RCAN3: variants seen among roughly 807,000 people sequenced by gnomAD.
RCAN3 encodes calcipressin-3.
RCAN3 carries 19 observed loss-of-function variants against 21.9 expected under a neutral mutation model. The ratio of observed to expected loss-of-function variants is 0.87; its 90% confidence interval spans 0.61 to 1.27. RCAN3 has a LOEUF of 1.27. Among genes scored for constraint, RCAN3 ranks in the 50% most tolerant of loss-of-function variants. RCAN3 has a pLI of 0.00. For missense variants in RCAN3, 240 were observed against 300.1 expected (o/e 0.80, Z 1.48); for synonymous variants, 114 against 112.3 (o/e 1.01, Z -0.09).
chr1:24,533,050 G>A (rs1324499679), intron 3 of RCAN3, 33 bp from the exon 4 acceptor site: 28 of 1,350,194 alleles, frequency 2.1e-5, no homozygotes, highest in Non-Finnish European at 2.6e-5. Context: ...AGCCCGGTTT[G>A]CAAACTGGCT....
chr1:24,531,486 G>T, intron 3 of RCAN3, 95 bp downstream of exon 3: 1 of 864,264 alleles, frequency 1.2e-6, no homozygotes, highest in East Asian at 2.8e-5. Flanking sequence ...TTATAGCAGA[G>T]GTGTGTAGAG....
chr1:24,528,154 G>A (rs1164988315), intron 2 of RCAN3, among the ~76,000 whole-genome samples: 1 of 151,500 alleles, frequency 6.6e-6, no homozygotes, highest in Non-Finnish European at 1.5e-5. Flanking sequence ...TAGGGAGTTA[G>A]GCATCTTTAA....
chr1:24,535,169 A>G lies in RCAN3; in HGVS notation c.618A>G (p.Glu206=). Residue 206 remains glutamate (E), a synonymous_variant, in exon 5 of 5, where the codon GAA becomes GAG. Coordinates refer to ENST00000374395, the MANE Select transcript of RCAN3 (RefSeq NM_013441.4). The part of the protein sequence containing the change: ...VVVHVCESET[E]EEEETKNPKQ... The stretch of plus-strand genomic sequence containing the variant: ...TTCATGTCTGTGAAAGTGAAACTGA[A>G]GAGGAAGAAGAGACAAAAAACCCCA... 1 of 1,595,168 alleles carries G rather than the reference A, an allele frequency of 6.3e-7. No individual in the cohort carries two copies. The highest frequency in any genetic ancestry group is 1.8e-5 in the Admixed American group (1 of 55,008).
rs1283413405 is a variant in RCAN3, at chr1:24,537,622, GGT to G, written c.*2349_*2350del. ...CTTGGATTTAACCCTGATAGGACCA[GGT>G]GTGGTGGCTCACACCATAATCCCAG... On this transcript the variant is annotated 3_prime_UTR_variant, in exon 5 of 5. Coordinates refer to ENST00000374395, the MANE Select transcript of RCAN3 (RefSeq NM_013441.4). 4 of 152,060 alleles carry G rather than the reference GGT, an allele frequency of 2.6e-5. No homozygotes were observed. The highest frequency in any genetic ancestry group is 9.7e-5 in the African/African-American group (4 of 41,386). 9.4% of individuals were successfully genotyped at this position (152,060 alleles called of 1,614,324 possible).
At position 24,537,782 on chromosome 1, in the gene RCAN3, C is replaced by T. The variant is rs530488298; in HGVS notation, c.*2505C>T. On this transcript the variant is annotated 3_prime_UTR_variant, in exon 5 of 5. Transcript: ENST00000374395. ...TGGCATGGTGGCACATGCCTGTAATCCCAGCTACTTGGGAGGCTGAGGCAG... is the reference window on the plus strand; with the variant it reads ...TGGCATGGTGGCACATGCCTGTAATTCCAGCTACTTGGGAGGCTGAGGCAG... 6.6e-6 allele frequency: 1 copy of T among 152,346 alleles called. No homozygotes were observed. The highest frequency in any genetic ancestry group is 1.5e-5 in the Non-Finnish European group (1 of 68,090). 9.4% of individuals were successfully genotyped at this position (152,346 alleles called of 1,614,324 possible).
intron 2 of RCAN3, among the ~76,000 whole-genome samples, chr1:24,530,296 A>C (rs954825817): frequency 1.4e-5 from 2 of 146,140 alleles, no homozygotes; most frequent in African/African-American, 5.1e-5. Context: ...TTGAGGCTGC[A>C]GTGAGCCAAG....
chr1:24,514,321 C>T lies in RCAN3; in HGVS notation c.-52C>T. The T allele has an allele frequency of 7.0e-7, 1 of 1,422,722 alleles. No individual in the cohort carries two copies. Among genetic ancestry groups the T allele is most frequent in the South Asian group, 1.7e-5 (1 of 60,520 alleles). The allele number at this position is 1,422,722 out of a possible 1,614,324, so 88.1% of individuals were successfully genotyped here. On this transcript the variant is annotated 5_prime_UTR_variant, in exon 2 of 5. Transcript: ENST00000374395. Reference sequence around the variant, plus strand: ...TTTCTTTTTTTTTAACAGTGGGTGCCTGATAGACATCCTAGGACTATACAG... The same window carrying T: ...TTTCTTTTTTTTTAACAGTGGGTGCTTGATAGACATCCTAGGACTATACAG...
In RCAN3 at chr1:24,514,460, G is replaced by C; in HGVS notation, c.88G>C (p.Gly30Arg). Residue 30 changes from glycine (G) to arginine (R), a missense_variant, in exon 2 of 5, where the codon GGT becomes CGT. Gly to Arg is a moderately radical substitution (Grantham distance 125, BLOSUM62 -2). Coordinates refer to ENST00000374395, the MANE Select transcript of RCAN3 (RefSeq NM_013441.4). ...AGAAGAGGAAGAAGAGATGATTTTT[G>C]GTGAAAATGAAGATGATTTGGATGA... ...DQEEEEEMIF[G>R]ENEDDLDEMM... The C allele has an allele frequency of 3.1e-6, 5 of 1,614,054 alleles. No individual in the cohort carries two copies. Among genetic ancestry groups the C allele is most frequent in the Non-Finnish European group, 4.2e-6 (5 of 1,179,980 alleles).
chr1:24,534,984 C>A, intron 4 of RCAN3, 109 bp from the exon 5 acceptor site: 1 of 1,002,246 alleles, frequency 1.0e-6, no homozygotes, highest in Admixed American at 3.3e-5. Context: ...ATTTAAAGAA[C>A]AAGAATCACC....
intron 2 of RCAN3, among the ~76,000 whole-genome samples, chr1:24,521,272 T>C (rs1262459588): frequency 6.6e-6 from 1 of 152,154 alleles, no homozygotes; most frequent in Non-Finnish European, 1.5e-5. Flanking sequence ...AAGAATGAAG[T>C]TGCATCCTTA....
Position 24,535,215 on chromosome 1 carries a change from A to G in RCAN3, c.664A>G (p.Arg222Gly). ...CCCCAAACAGAAAATTGCCCAGACGAGGCGCCCCGACCCTCCGACCGCAGC... is the reference window on the plus strand; with the variant it reads ...CCCCAAACAGAAAATTGCCCAGACGGGGCGCCCCGACCCTCCGACCGCAGC... ...KNPKQKIAQTRRPDPPTAALN... is the reference protein window; with the variant it reads ...KNPKQKIAQTGRPDPPTAALN... The change falls in exon 5 of 5, where the codon AGG becomes GGG. Residue 222 changes from arginine (R) to glycine (G), a missense_variant. By Grantham distance (125) the Arg-to-Gly change is moderately radical. Coordinates refer to ENST00000374395, the MANE Select transcript of RCAN3 (RefSeq NM_013441.4). 1 of 1,587,966 alleles carries G rather than the reference A, an allele frequency of 6.3e-7. No homozygotes were observed. The highest frequency in any genetic ancestry group is 8.5e-7 in the Non-Finnish European group (1 of 1,170,856).
At chr1:24,530,855 T>A (rs1649703152) in intron 2 of RCAN3, among the ~76,000 whole-genome samples, 1 of 151,994 alleles carries the variant, frequency 6.6e-6, no homozygotes, top group African/African-American at 2.4e-5. Flanking sequence ...ACTAAAAATG[T>A]AAAAATTAGC....
chr1:24,520,746 T>C (rs1200696266), intron 2 of RCAN3, among the ~76,000 whole-genome samples: 1 of 151,800 alleles, frequency 6.6e-6, no homozygotes, highest in Non-Finnish European at 1.5e-5. Flanking sequence ...GACGAGTTAA[T>C]GGGTGCAGCA....
chr1:24,532,809 G>A (rs569974233), intron 3 of RCAN3, among the ~76,000 whole-genome samples: 264 of 151,246 alleles, frequency 1.7e-3, no homozygotes, highest in African/African-American at 5.9e-3. Context: ...AAAATTAGCC[G>A]GGCGTGGTGA....
chr1:24,523,365 A>G (rs1366425582), intron 2 of RCAN3, among the ~76,000 whole-genome samples: 2 of 152,062 alleles, frequency 1.3e-5, no homozygotes, highest in African/African-American at 2.4e-5. Context: ...TGGAGTCGAC[A>G]TGATTGTCTC....
rs1335268821 is a variant in RCAN3 at position 24,514,479 on chromosome 1, T to A, written c.107T>A (p.Leu36Ter). The A allele has an allele frequency of 4.3e-6, 7 of 1,614,014 alleles. No homozygotes were observed. Among genetic ancestry groups the A allele is most frequent in the Non-Finnish European group, 2.5e-6 (3 of 1,180,030 alleles). ...ATTTTTGGTGAAAATGAAGATGATTTGGATGAGATGATGGATTTAAGTGAT... is the reference window on the plus strand; with the variant it reads ...ATTTTTGGTGAAAATGAAGATGATTAGGATGAGATGATGGATTTAAGTGAT... The part of the protein sequence containing the change: ...EMIFGENEDD[L>*]DEMMDLSDLP... Residue 36 changes from leucine (L) to a stop codon, truncating the protein, a stop_gained, in exon 2 of 5, where the codon TTG becomes TAG. Transcript: ENST00000374395. LOFTEE classifies it high-confidence loss of function.
At chr1:24,531,670 G>A (rs112208325) in intron 3 of RCAN3, among the ~76,000 whole-genome samples, 6 of 152,266 alleles carry the variant, frequency 3.9e-5, no homozygotes, top group African/African-American at 9.6e-5. Context: ...CGTGGGTTAC[G>A]CCCTGACACC....
At chr1:24,534,560 T>A (rs1650064801) in intron 4 of RCAN3, among the ~76,000 whole-genome samples, 4 of 146,504 alleles carry the variant, frequency 2.7e-5, no homozygotes, top group Admixed American at 2.7e-4. Context: ...TGAGCCGAGG[T>A]CGCACCACTG....
At chr1:24,534,615 GAAAA>G (rs55684532) in intron 4 of RCAN3, among the ~76,000 whole-genome samples, 2 of 134,158 alleles carry the variant, frequency 1.5e-5, no homozygotes, top group Non-Finnish European at 3.2e-5. Context: ...TCAAAAAAAA[GAAAA>G]AAAAAAACCA....
Sources: allele counts gnomAD v4.1 joint callset (sites outside exome capture counted in the v4.1 genomes callset), GRCh38; gene constraint gnomAD v4.1.1; transcripts MANE v1.5; gene names NCBI Gene and HGNC (gene_info 2026-07-23, HGNC 2026-07-21).